The following RASA1 variants were observed in gnomAD, a reference collection of about 807,000 sequenced individuals.
RASA1 encodes RAS p21 protein activator 1.
Under a neutral mutation model 132.2 loss-of-function variants are expected in RASA1, and 25 were observed. The observed-to-expected ratio is 0.19, with a 90% CI of 0.14 to 0.26. The LOEUF (loss-of-function observed/expected upper bound fraction) is 0.26, where lower values mean the gene tolerates loss of function less well. Among genes scored for constraint, RASA1 ranks in the 10% least tolerant of loss-of-function variants. The pLI, the probability that RASA1 is intolerant of heterozygous loss-of-function variation, is 1.00. For synonymous variants in RASA1, 477 were observed against 449.9 expected (o/e 1.06, Z -0.76); for missense variants, 964 against 1,299.2 (o/e 0.74, Z 3.97).
rs183642164 is a variant in RASA1, at chr5:87,302,651, G to A, written c.540-28697G>A. Among the ~76,000 whole-genome samples the A allele has an allele frequency of 3.6e-4, 53 of 148,500 alleles. No homozygotes were observed. The East Asian group carries it at 7.8e-3, about 22-fold the overall frequency. The stretch of plus-strand genomic sequence containing the variant: ...AAGCATAGTATTCTAAGTGTTCAAC[G>A]CAATGAGTTTTAACAAGTGGATGTA... On this transcript the variant is annotated intron_variant, in intron 1 of 24. Coordinates refer to ENST00000274376, the MANE Select transcript of RASA1 (RefSeq NM_002890.3).
intron 24 of RASA1, among the ~76,000 whole-genome samples, chr5:87,390,414 T>C (rs1048362295): frequency 1.3e-5 from 2 of 152,086 alleles, no homozygotes; most frequent in Admixed American, 6.6e-5. Context: ...CCTCAAGTCC[T>C]GTTTCTCCCC....
At chr5:87,318,178 C>A (rs1241022879) in intron 1 of RASA1, among the ~76,000 whole-genome samples, 1 of 152,042 alleles carries the variant, frequency 6.6e-6, no homozygotes, top group Non-Finnish European at 1.5e-5. Context: ...CTATTATAAC[C>A]CCCACAAATA....
intron 11 of RASA1, among the ~76,000 whole-genome samples, chr5:87,369,396 T>G (rs1760762669): frequency 6.6e-6 from 1 of 152,142 alleles, no homozygotes; most frequent in African/African-American, 2.4e-5. Flanking sequence ...TAGAAAAATT[T>G]GAAAATACAG....
At chr5:87,331,080 GA>G in intron 1 of RASA1, 1 of 984,696 alleles carries the variant, frequency 1.0e-6, no homozygotes, top group African/African-American at 1.6e-5. Context: ...GGCAATCCTG[GA>G]AGTAGGGAGA....
intron 1 of RASA1, among the ~76,000 whole-genome samples, chr5:87,314,751 AG>A (rs1196714809): frequency 6.6e-6 from 1 of 152,080 alleles, no homozygotes; most frequent in Non-Finnish European, 1.5e-5. Flanking sequence ...AAAAAAAAAA[AG>A]TGTTGAGTTT....
chr5:87,311,491 GT>G (rs1755908862), intron 1 of RASA1, among the ~76,000 whole-genome samples: 3 of 152,154 alleles, frequency 2.0e-5, no homozygotes, highest in South Asian at 2.1e-4. Flanking sequence ...AGTAATAATA[GT>G]TTATTATAGC....
chr5:87,325,287 CCCA>C (rs1198537367), intron 1 of RASA1, among the ~76,000 whole-genome samples: 1 of 152,168 alleles, frequency 6.6e-6, no homozygotes, highest in Non-Finnish European at 1.5e-5. Context: ...TCGGGTCCCA[CCCA>C]CAACATGTGG....
chr5:87,317,753 A>G (rs1756452332), intron 1 of RASA1, among the ~76,000 whole-genome samples: 1 of 151,688 alleles, frequency 6.6e-6, no homozygotes, highest in Non-Finnish European at 1.5e-5. Context: ...CTCATGCCTC[A>G]GCCTCCTGAG....
chr5:87,350,506 A>T (rs1325076487), intron 8 of RASA1, among the ~76,000 whole-genome samples: 1 of 151,742 alleles, frequency 6.6e-6, no homozygotes, highest in African/African-American at 2.4e-5. Flanking sequence ...ACATGAATTT[A>T]TTTTTTTGAA....
At chr5:87,351,913 A>G (rs1317207318) in intron 8 of RASA1, among the ~76,000 whole-genome samples, 1 of 151,758 alleles carries the variant, frequency 6.6e-6, no homozygotes, top group African/African-American at 2.4e-5. Context: ...ATTGTATTTT[A>G]CAGTTACTGA....
chr5:87,284,176 C>T (rs1754443649), intron 1 of RASA1, among the ~76,000 whole-genome samples: 1 of 152,084 alleles, frequency 6.6e-6, no homozygotes, highest in South Asian at 2.1e-4. Flanking sequence ...ATGTTGTTTT[C>T]TTAAGGCTGC....
At chr5:87,357,192 GGAAGA>G (rs1035778438) in intron 9 of RASA1, among the ~76,000 whole-genome samples, 2 of 151,612 alleles carry the variant, frequency 1.3e-5, no homozygotes, top group African/African-American at 2.4e-5. Flanking sequence ...CAGAGTAATT[GGAAGA>G]GAAGTTAGCC....
intron 11 of RASA1, among the ~76,000 whole-genome samples, chr5:87,368,325 T>C (rs765740619): frequency 6.6e-6 from 1 of 152,178 alleles, no homozygotes; most frequent in Admixed American, 6.5e-5. Flanking sequence ...AGATACAGTT[T>C]CTGGCAAAAT....
chr5:87,293,980 T>TAGA (rs1755012639), intron 1 of RASA1, among the ~76,000 whole-genome samples: 1 of 152,100 alleles, frequency 6.6e-6, no homozygotes, highest in South Asian at 2.1e-4. Flanking sequence ...TAAGTCTGGC[T>TAGA]AGAGGCTTAT....
intron 11 of RASA1, among the ~76,000 whole-genome samples, chr5:87,364,884 A>G (rs1760387765): frequency 6.6e-6 from 1 of 152,176 alleles, no homozygotes; most frequent in Non-Finnish European, 1.5e-5. Flanking sequence ...TTATCCTGAT[A>G]GAATGAGGAG....
At chr5:87,319,008 G>C (rs754540923) in intron 1 of RASA1, 1 of 152,442 alleles carries the variant, frequency 6.6e-6, no homozygotes, top group East Asian at 1.9e-4. Context: ...TGGGCTACAG[G>C]CCCCATGCAA....
intron 1 of RASA1, among the ~76,000 whole-genome samples, chr5:87,322,986 G>A (rs1004063420): frequency 3.9e-5 from 6 of 152,246 alleles, no homozygotes; most frequent in Admixed American, 6.5e-5. Context: ...TCACCTTAAG[G>A]TGAAGATTCT....
At chr5:87,297,804 C>G (rs567937668) in intron 1 of RASA1, among the ~76,000 whole-genome samples, 1 of 152,200 alleles carries the variant, frequency 6.6e-6, no homozygotes, top group Admixed American at 6.5e-5. Flanking sequence ...GTGTCAGGGC[C>G]TCACATGACT....
intron 1 of RASA1, among the ~76,000 whole-genome samples, chr5:87,319,606 G>A (rs1206542587): frequency 1.3e-5 from 2 of 152,144 alleles, no homozygotes; most frequent in Non-Finnish European, 2.9e-5. Flanking sequence ...GCTGGGATGC[G>A]GGGCACCAAG....
Sources: gnomAD v4.1 joint callset for allele counts (sites outside exome capture counted in the v4.1 genomes callset) on GRCh38, gnomAD v4.1.1 for gene constraint, MANE v1.5 for transcripts, NCBI Gene and HGNC (gene_info 2026-07-23, HGNC 2026-07-21) for gene names.